Variants in DENND5B observed in about 807,000 individuals in gnomAD.
DENND5B encodes DENN domain-containing protein 5B.
Under a neutral mutation model 140.6 loss-of-function variants are expected in DENND5B, and 34 were observed. That is an observed-to-expected ratio of 0.24 (90% CI 0.18 to 0.32). The LOEUF (loss-of-function observed/expected upper bound fraction) is 0.32. Among genes scored for constraint, DENND5B ranks in the 10% least tolerant of loss-of-function variants. The probability of loss-of-function intolerance (pLI) is 1.00; values close to 1 mark genes in which losing one functional copy is unlikely to be tolerated. For synonymous variants in DENND5B, 551 were observed against 562.1 expected (o/e 0.98, Z 0.28); for missense variants, 1,142 against 1,560.2 (o/e 0.73, Z 4.52).
At chr12:31,590,575 G>T (rs1950585954) in intron 1 of DENND5B, 131 bp downstream of exon 1, 1 of 1,135,694 alleles carries the variant, frequency 8.8e-7, no homozygotes, top group South Asian at 2.1e-5. Flanking sequence ...GCGCCAGTTC[G>T]GCCAGAAAGC....
intron 4 of DENND5B, among the ~76,000 whole-genome samples, chr12:31,456,464 A>G (rs1426494079): frequency 6.6e-6 from 1 of 152,078 alleles, no homozygotes; most frequent in East Asian, 1.9e-4. Context: ...TTCTCTGTTC[A>G]TTCATTCCTC....
chr12:31,452,167 C>A lies in DENND5B; in HGVS notation c.1402G>T (p.Val468Leu). Reference sequence around the variant, plus strand: ...GAAGCAGAGAGGTCCATTTTTTCCACAGCCACACCAGTACGCTTGGCCAGA... The same window carrying A: ...GAAGCAGAGAGGTCCATTTTTTCCAAAGCCACACCAGTACGCTTGGCCAGA... ...QALAKRTGVA[V>L]EKMDLSASLG... Residue 468 changes from valine to leucine, a missense_variant, in exon 5 of 21, where the codon GTG becomes TTG. Transcript: ENST00000389082. 1 of 1,613,866 alleles carries A rather than the reference C, an allele frequency of 6.2e-7. No individual in the cohort carries two copies. The highest frequency in any genetic ancestry group is 1.1e-5 in the South Asian group (1 of 91,036).
chr12:31,421,769 C>G (rs976101313), intron 11 of DENND5B, among the ~76,000 whole-genome samples: 1 of 152,140 alleles, frequency 6.6e-6, no homozygotes, highest in Non-Finnish European at 1.5e-5. Context: ...CCAGGCTGGT[C>G]TTGAACTCCT....
chr12:31,562,026 T>C (rs1949492607), intron 1 of DENND5B, among the ~76,000 whole-genome samples: 1 of 152,216 alleles, frequency 6.6e-6, no homozygotes, highest in Non-Finnish European at 1.5e-5. Flanking sequence ...GTACTTCCCA[T>C]ATACCCCAGA....
chr12:31,443,736 A>G (rs1469348657), intron 6 of DENND5B: 1 of 152,238 alleles, frequency 6.6e-6, no homozygotes, highest in African/African-American at 2.4e-5. Flanking sequence ...CTGTAAAAAC[A>G]AGGAACGGTG....
At chr12:31,484,579 G>C (rs898676318) in intron 2 of DENND5B, among the ~76,000 whole-genome samples, 1 of 152,084 alleles carries the variant, frequency 6.6e-6, no homozygotes, top group Non-Finnish European at 1.5e-5. Flanking sequence ...TGAAGCAGGC[G>C]GATTGCCTGA....
chr12:31,529,138 G>GGA (rs1948192147), intron 1 of DENND5B, among the ~76,000 whole-genome samples: 1 of 145,942 alleles, frequency 6.9e-6, no homozygotes. Context: ...ACTCCAGCCT[G>GGA]CGCAACAGAG....
At chr12:31,590,180 C>G (rs923689715) in intron 1 of DENND5B, 5 of 152,276 alleles carry the variant, frequency 3.3e-5, no homozygotes, top group Non-Finnish European at 5.9e-5. Flanking sequence ...GACCGGTCCC[C>G]GCCCCGCGCT....
chr12:31,578,882 A>C (rs539605908), intron 1 of DENND5B, among the ~76,000 whole-genome samples: 2 of 152,310 alleles, frequency 1.3e-5, no homozygotes, highest in South Asian at 4.1e-4. Flanking sequence ...CATCCTTCTC[A>C]TCTATCAAAT....
intron 1 of DENND5B, among the ~76,000 whole-genome samples, chr12:31,537,377 A>C (rs1259441): frequency 0.82 from 124,199 of 152,118 alleles, 51,039 homozygotes; most frequent in African/African-American, 0.9. Flanking sequence ...TGTGTTTATG[A>C]AAACAGTGTT....
At chr12:31,523,345 G>C (rs552066821) in intron 1 of DENND5B, among the ~76,000 whole-genome samples, 2 of 152,098 alleles carry the variant, frequency 1.3e-5, no homozygotes, top group Non-Finnish European at 1.5e-5. Flanking sequence ...TTACAGGTGT[G>C]AGCCACCACA....
intron 2 of DENND5B, among the ~76,000 whole-genome samples, chr12:31,483,378 T>A (rs990493427): frequency 1.3e-5 from 2 of 152,210 alleles, no homozygotes; most frequent in Non-Finnish European, 2.9e-5. Context: ...GGTTTTTGCA[T>A]TGTTGGAATT....
chr12:31,392,601 A>T lies in DENND5B; in HGVS notation c.3339+13T>A. On this transcript the variant is annotated intron_variant, in intron 18 of 20. Coordinates refer to ENST00000389082, the MANE Select transcript of DENND5B (RefSeq NM_144973.4). ...AAAGTCCCACTATACTAAGTTTTAT[A>T]GCCCATAAATACCTCTTTTTCAGGT... is the stretch of plus-strand genomic sequence containing the variant. 2 of 1,553,128 alleles carry T rather than the reference A, an allele frequency of 1.3e-6. No homozygotes were observed. Among genetic ancestry groups the T allele is most frequent in the East Asian group, 4.8e-5 (2 of 41,612 alleles).
At chr12:31,554,835 G>T (rs997425259) in intron 1 of DENND5B, among the ~76,000 whole-genome samples, 4 of 152,094 alleles carry the variant, frequency 2.6e-5, no homozygotes, top group African/African-American at 4.8e-5. Context: ...TACCCTTTCT[G>T]CCAGTTGATC....
At position 31,570,811 on chromosome 12, in the gene DENND5B, A is replaced by G. The variant is rs112792885; in HGVS notation, c.127+19895T>C. Among the ~76,000 whole-genome samples, 234 of 152,104 alleles carry G rather than the reference A, an allele frequency of 1.5e-3. 1 individual carries two copies. The highest frequency in any genetic ancestry group is 5.2e-3 in the African/African-American group (214 of 41,412). On this transcript the variant is annotated intron_variant, in intron 1 of 20. Transcript: ENST00000389082. ...AGGTTATACCTTCTTAGGTTATCTC[A>G]AGGTCTTTGGTTGGTTGATTGGTCT...
chr12:31,467,151 A>G (rs1173746270), intron 3 of DENND5B, among the ~76,000 whole-genome samples: 1 of 152,086 alleles, frequency 6.6e-6, no homozygotes, highest in Admixed American at 6.5e-5. Context: ...ACTAAGGAAA[A>G]AAAAAAAACT....
chr12:31,480,487 C>T (rs1484670099), intron 2 of DENND5B, among the ~76,000 whole-genome samples: 1 of 152,124 alleles, frequency 6.6e-6, no homozygotes, highest in African/African-American at 2.4e-5. Context: ...TGTGATGTTA[C>T]ATGCAAGGGG....
At chr12:31,573,306 A>C (rs116520553) in intron 1 of DENND5B, among the ~76,000 whole-genome samples, 2 of 152,244 alleles carry the variant, frequency 1.3e-5, no homozygotes, top group African/African-American at 2.4e-5. Flanking sequence ...CCTCTTCTAC[A>C]TTTGAAAAAA....
Position 31,566,350 on chromosome 12 carries a change from G to C in DENND5B, c.127+24356C>G, listed in dbSNP as rs929786906. 8.8e-5 allele frequency among the ~76,000 whole-genome samples: 13 copies of C among 148,348 alleles called. No individual in the cohort carries two copies. In the South Asian group the frequency reaches 2.5e-3, roughly 29 times the overall value. ...TCTCTCTTAAAAACTGTGTGTGTGTGTGTGTGTGTGTGTGTGTGTGTAATT... is the reference window on the plus strand; with the variant it reads ...TCTCTCTTAAAAACTGTGTGTGTGTCTGTGTGTGTGTGTGTGTGTGTAATT... On this transcript the variant is annotated intron_variant, in intron 1 of 20. Coordinates refer to ENST00000389082, the MANE Select transcript of DENND5B (RefSeq NM_144973.4).
Sources: allele counts gnomAD v4.1 joint callset (sites outside exome capture counted in the v4.1 genomes callset), GRCh38; gene constraint gnomAD v4.1.1; transcripts MANE v1.5; gene names NCBI Gene and HGNC (gene_info 2026-07-23, HGNC 2026-07-21).